Variants in PAQR8 observed in about 807,000 individuals in gnomAD.
The protein encoded by PAQR8 is membrane progestin receptor beta.
PAQR8 carries 17 observed loss-of-function variants against 25.2 expected under a neutral mutation model. The observed-to-expected ratio is 0.67, with a 90% CI of 0.46 to 1.01. The LOEUF is 1.01. Ranked by LOEUF, PAQR8 falls within the 50% of genes least tolerant of loss-of-function variation. The pLI, the probability that PAQR8 is intolerant of heterozygous loss-of-function variation, is 0.00. For missense variants in PAQR8, 392 were observed against 448.4 expected, an observed-to-expected ratio of 0.87 and a Z score of 1.14; for synonymous variants, 204 against 190.6, an observed-to-expected ratio of 1.07 and a Z score of -0.58.
chr6:52,394,783 T>C (rs1763747496), intron 1 of PAQR8, among the ~76,000 whole-genome samples: 1 of 152,246 alleles, frequency 6.6e-6, no homozygotes, highest in Non-Finnish European at 1.5e-5. Flanking sequence ...TTTACTGGGC[T>C]ATAACCCATC....
chr6:52,383,445 A>T (rs1763587634), intron 1 of PAQR8, among the ~76,000 whole-genome samples: 1 of 152,020 alleles, frequency 6.6e-6, no homozygotes, highest in South Asian at 2.1e-4. Flanking sequence ...GCGGATCACG[A>T]GGTCAGGAGA....
rs1465545452 is a variant in PAQR8, at chr6:52,403,697, C to G, written c.484C>G (p.His162Asp). 1 of 1,614,262 alleles carries G rather than the reference C, an allele frequency of 6.2e-7. No individual in the cohort carries two copies. Among genetic ancestry groups the G allele is most frequent in the African/African-American group, 1.3e-5 (1 of 75,078 alleles). ...TTACCAATATGGCAGTGCTTTGGCTCATTTCTTCTACAGCTCTGACCAGGC... is the reference window on the plus strand; with the variant it reads ...TTACCAATATGGCAGTGCTTTGGCTGATTTCTTCTACAGCTCTGACCAGGC... ...SVYQYGSALA[H>D]FFYSSDQAWY... The change falls in exon 2 of 2, where the codon CAT becomes GAT. Residue 162 changes from histidine (H) to aspartate (D), a missense_variant. Physicochemically the swap from His to Asp is moderately conservative, Grantham distance 81. Transcript: ENST00000442253.
At chr6:52,370,484 C>CT (rs896727021) in intron 1 of PAQR8, among the ~76,000 whole-genome samples, 2 of 151,174 alleles carry the variant, frequency 1.3e-5, no homozygotes, top group Non-Finnish European at 3.0e-5. Context: ...GGAGTGTCTG[C>CT]TTTTTTTTTC....
At chr6:52,381,090 G>A (rs1361721403) in intron 1 of PAQR8, among the ~76,000 whole-genome samples, 1 of 152,172 alleles carries the variant, frequency 6.6e-6, no homozygotes, top group Non-Finnish European at 1.5e-5. Context: ...ATCTATGGAT[G>A]GACAGGCACC....
intron 1 of PAQR8, among the ~76,000 whole-genome samples, chr6:52,385,643 G>A (rs73443979): frequency 6.6e-6 from 1 of 152,128 alleles, no homozygotes; most frequent in East Asian, 1.9e-4. Context: ...TAGCACTTTG[G>A]GGGGCAAGGT....
At chr6:52,396,496 A>G (rs1311948246) in intron 1 of PAQR8, among the ~76,000 whole-genome samples, 4 of 152,212 alleles carry the variant, frequency 2.6e-5, no homozygotes, top group Non-Finnish European at 5.9e-5. Context: ...TTTGTATTGT[A>G]AACAAACAAT....
chr6:52,378,727 G>T (rs1763514817), intron 1 of PAQR8, among the ~76,000 whole-genome samples: 1 of 151,680 alleles, frequency 6.6e-6, no homozygotes, highest in Non-Finnish European at 1.5e-5. Flanking sequence ...GGAGGTGGAG[G>T]TTGCAGTGAG....
chr6:52,403,691 T>G lies in PAQR8; in HGVS notation c.478T>G (p.Leu160Val). 1 of 1,614,248 alleles carries G rather than the reference T, an allele frequency of 6.2e-7. No homozygotes were observed. The highest frequency in any genetic ancestry group is 1.1e-5 in the South Asian group (1 of 91,084). ...GVSVYQYGSALAHFFYSSDQA... is the reference protein window; with the variant it reads ...GVSVYQYGSAVAHFFYSSDQA... ...GAGCGTTTACCAATATGGCAGTGCT[T>G]TGGCTCATTTCTTCTACAGCTCTGA... The change falls in exon 2 of 2, where the codon TTG becomes GTG. Residue 160 changes from leucine to valine, a missense_variant. Coordinates refer to ENST00000442253, the MANE Select transcript of PAQR8 (RefSeq NM_133367.5).
chr6:52,400,129 T>A (rs146159824), intron 1 of PAQR8, among the ~76,000 whole-genome samples: 4 of 152,202 alleles, frequency 2.6e-5, no homozygotes, highest in African/African-American at 9.7e-5. Context: ...ACACTTCTCT[T>A]GGTGTCTTTA....
chr6:52,371,230 C>T (rs1015018452), intron 1 of PAQR8, among the ~76,000 whole-genome samples: 1 of 152,006 alleles, frequency 6.6e-6, no homozygotes, highest in African/African-American at 2.4e-5. Flanking sequence ...TTTTAGCTTC[C>T]CTAGAGAAGC....
intron 1 of PAQR8, 129 bp from the exon 2 acceptor site, chr6:52,403,033 T>C (rs1763853808): frequency 1.6e-6 from 1 of 606,288 alleles, no homozygotes; most frequent in Non-Finnish European, 2.9e-6. Context: ...ATCGTGCCAC[T>C]GCACTCTAGC....
At chr6:52,368,856 G>T (rs1011159396) in intron 1 of PAQR8, among the ~76,000 whole-genome samples, 1 of 152,028 alleles carries the variant, frequency 6.6e-6, no homozygotes, top group Non-Finnish European at 1.5e-5. Flanking sequence ...ACGTGTCAAG[G>T]GCGGGACCAG....
At chr6:52,370,248 A>T (rs1326678390) in intron 1 of PAQR8, among the ~76,000 whole-genome samples, 1 of 152,056 alleles carries the variant, frequency 6.6e-6, no homozygotes, top group East Asian at 1.9e-4. Context: ...AATCAGTCTA[A>T]CTCGGACACT....
chr6:52,371,866 G>A (rs1763423152), intron 1 of PAQR8, among the ~76,000 whole-genome samples: 1 of 152,240 alleles, frequency 6.6e-6, no homozygotes, highest in East Asian at 1.9e-4. Flanking sequence ...TAAAGTTAGT[G>A]TCAGAGCAAA....
intron 1 of PAQR8, among the ~76,000 whole-genome samples, chr6:52,373,894 A>G (rs979945124): frequency 5.9e-5 from 9 of 152,166 alleles, no homozygotes; most frequent in African/African-American, 2.2e-4. Flanking sequence ...TCTCATGTTC[A>G]GTTATAATCC....
At chr6:52,379,485 T>C (rs1255380037) in intron 1 of PAQR8, among the ~76,000 whole-genome samples, 1 of 152,210 alleles carries the variant, frequency 6.6e-6, no homozygotes, top group Non-Finnish European at 1.5e-5. Flanking sequence ...AGAGTCTCGC[T>C]CTGTTGCCTA....
chr6:52,368,518 CTAAG>C (rs1451305771), intron 1 of PAQR8, among the ~76,000 whole-genome samples: 1 of 152,080 alleles, frequency 6.6e-6, no homozygotes, highest in African/African-American at 2.4e-5. Context: ...TTAAAAATAT[CTAAG>C]TAACGTAAGT....
At chr6:52,382,521 A>C (rs1763572982) in intron 1 of PAQR8, among the ~76,000 whole-genome samples, 1 of 152,246 alleles carries the variant, frequency 6.6e-6, no homozygotes, top group African/African-American at 2.4e-5. Flanking sequence ...AAATGAGTCA[A>C]CTAGAGAATA....
In PAQR8 at chr6:52,404,264, A is replaced by G. The variant is rs1212921640; in HGVS notation, c.1051A>G (p.Lys351Glu). 1 of 1,591,010 alleles carries G rather than the reference A, an allele frequency of 6.3e-7. No homozygotes were observed. The highest frequency in any genetic ancestry group is 8.6e-7 in the Non-Finnish European group (1 of 1,162,196). ...GCACAAAGTCAAGGCCAGACTGACC[A>G]AGAAAGATTCCTGAGGCTGGCAAGT... ...LRHKVKARLTKKDS is the reference protein window; with the variant it reads ...LRHKVKARLTEKDS Residue 351 changes from lysine to glutamate, a missense_variant, in exon 2 of 2, where the codon AAG (lysine) becomes GAG (glutamate). Physicochemically the swap from Lys to Glu is moderately conservative, Grantham distance 56 (BLOSUM62 1). Transcript: ENST00000442253.
Sources: gnomAD v4.1 joint callset for allele counts (sites outside exome capture counted in the v4.1 genomes callset) on GRCh38, gnomAD v4.1.1 for gene constraint, MANE v1.5 for transcripts, NCBI Gene and HGNC (gene_info 2026-07-23, HGNC 2026-07-21) for gene names.